PDE1A: variants seen among roughly 807,000 people sequenced by gnomAD.
The protein encoded by PDE1A is phosphodiesterase 1A.
Under a neutral mutation model 61.7 loss-of-function variants are expected in PDE1A, and 35 were observed. The observed-to-expected ratio is 0.57, with a 90% CI of 0.43 to 0.75. The LOEUF (loss-of-function observed/expected upper bound fraction) is 0.75. Ranked by LOEUF, PDE1A falls within the 30% of genes least tolerant of loss-of-function variation. The pLI, the probability that PDE1A is intolerant of heterozygous loss-of-function variation, is 0.00. For synonymous variants in PDE1A, 232 were observed against 213.2 expected (o/e 1.09, Z -0.77); for missense variants, 597 against 630.6 (o/e 0.95, Z 0.57).
chr2:182,484,898 C>T (rs1194329318), intron 2 of PDE1A, among the ~76,000 whole-genome samples: 1 of 151,826 alleles, frequency 6.6e-6, no homozygotes, highest in Non-Finnish European at 1.5e-5. Flanking sequence ...GAAAAGAGAA[C>T]GTTTATACAC....
chr2:182,572,703 T>C, the PDE1A span, among the ~76,000 whole-genome samples: 1 of 151,972 alleles, frequency 6.6e-6, no homozygotes, highest in East Asian at 1.9e-4. Flanking sequence ...ACCCCGTCTC[T>C]ACTAAAAATA....
At chr2:182,415,809 T>C (rs568157110) in intron 1 of PDE1A, among the ~76,000 whole-genome samples, 2 of 152,140 alleles carry the variant, frequency 1.3e-5, no homozygotes, top group Non-Finnish European at 2.9e-5. Flanking sequence ...AAAAGGAAAC[T>C]TGCATGGAAA....
chr2:182,265,459 C>A (rs903398305), intron 1 of PDE1A, among the ~76,000 whole-genome samples: 2 of 151,998 alleles, frequency 1.3e-5, no homozygotes, highest in Admixed American at 6.6e-5. Context: ...TTACTGCACT[C>A]ATTTTTCACC....
At chr2:182,549,209 GA>G in the PDE1A span, among the ~76,000 whole-genome samples, 5 of 150,864 alleles carry the variant, frequency 3.3e-5, no homozygotes, top group Admixed American at 1.3e-4. Context: ...AAAAAATCTT[GA>G]AAAAAAATAA....
the PDE1A span, among the ~76,000 whole-genome samples, chr2:182,660,972 A>G: frequency 2.6e-5 from 4 of 152,358 alleles, no homozygotes; most frequent in African/African-American, 9.6e-5. Context: ...AAACTAAGAC[A>G]GTAGCAGAAC....
chr2:182,471,553 T>A (rs1447675781), intron 2 of PDE1A, among the ~76,000 whole-genome samples: 1 of 151,786 alleles, frequency 6.6e-6, no homozygotes, highest in Non-Finnish European at 1.5e-5. Context: ...ACCAACCCAA[T>A]TCCTTTTACC....
rs1345266293 is a variant in PDE1A, at chr2:182,383,601, AGC to A, written c.53+42975_53+42976del. Among the ~76,000 whole-genome samples, 5 of 152,232 alleles carry A rather than the reference AGC, an allele frequency of 3.3e-5. No individual in the cohort carries two copies. In the East Asian group the frequency reaches 9.6e-4, roughly 29 times the overall value. On this transcript the variant is annotated intron_variant, in intron 1 of 13. Coordinates refer to ENST00000351439, the Ensembl canonical transcript of PDE1A. ...ATGCCGACTGGAGAGAGGTAGGCAGAGCAAGATGGCAGAGTATGGCCCTCCAG... is the reference window on the plus strand; with the variant it reads ...ATGCCGACTGGAGAGAGGTAGGCAGAAAGATGGCAGAGTATGGCCCTCCAG...
chr2:182,201,284 A>ATAGAC (rs757449414), intron 10 of PDE1A, among the ~76,000 whole-genome samples, 155 bp downstream of exon 10: 2 of 152,160 alleles, frequency 1.3e-5, no homozygotes, highest in African/African-American at 4.8e-5. Flanking sequence ...CACCTTTCTG[A>ATAGAC]TAGACTAATA....
At chr2:182,645,243 C>T in the PDE1A span, among the ~76,000 whole-genome samples, 4 of 149,684 alleles carry the variant, frequency 2.7e-5, no homozygotes, top group Non-Finnish European at 5.9e-5. Context: ...GCCTCGGCCT[C>T]CCAAAGTGCT....
chr2:182,620,167 T>A, the PDE1A span, among the ~76,000 whole-genome samples: 5 of 143,274 alleles, frequency 3.5e-5, no homozygotes, highest in Non-Finnish European at 7.7e-5. Context: ...TTATTAACTT[T>A]AAAATGTATT....
chr2:182,670,613 G>T, the PDE1A span, among the ~76,000 whole-genome samples: 770 of 152,264 alleles, frequency 5.1e-3, 7 homozygotes, highest in Non-Finnish European at 8.7e-3. Flanking sequence ...TCTAGTGATG[G>T]GTGCCGAAGC....
exon 6 of PDE1A, chr2:182,230,112 G>A: frequency 6.2e-7 from 1 of 1,612,782 alleles, no homozygotes; most frequent in Non-Finnish European, 8.5e-7. Flanking sequence ...AACTTCTAAA[G>A]CTTCTGCAAA....
At position 182,178,804 on chromosome 2, in the gene PDE1A, G is replaced by C. The variant is rs546073078; in HGVS notation, c.1516+7088C>G. Reference sequence around the variant, plus strand: ...AAGTACAATGAGAAGGAGAAGAAAAGAGAGCAAGCAAGCTGTGGCAAGCAA... The same window carrying C: ...AAGTACAATGAGAAGGAGAAGAAAACAGAGCAAGCAAGCTGTGGCAAGCAA... On this transcript the variant is annotated intron_variant, in intron 13 of 13. Transcript: ENST00000351439. 3.4e-3 allele frequency among the ~76,000 whole-genome samples: 522 copies of C among 152,184 alleles called. 3 individuals are homozygous for C. Among genetic ancestry groups the C allele is most frequent in the African/African-American group, 0.012 (508 of 41,544 alleles).
chr2:182,598,937 TTACTCATG>T, the PDE1A span, among the ~76,000 whole-genome samples: 48 of 152,134 alleles, frequency 3.2e-4, no homozygotes, highest in African/African-American at 1.1e-3. Context: ...CTGCAGGGAA[TTACTCATG>T]GGATGGAGGC....
chr2:182,201,393 C>CA (rs770493656), intron 10 of PDE1A, 46 bp downstream of exon 10: 1 of 1,606,944 alleles, frequency 6.2e-7, no homozygotes, highest in Non-Finnish European at 8.5e-7. Flanking sequence ...CTAATATGCA[C>CA]AGTCACTATT....
chr2:182,572,663 G>A, the PDE1A span, among the ~76,000 whole-genome samples: 1 of 152,042 alleles, frequency 6.6e-6, no homozygotes, highest in East Asian at 1.9e-4. Context: ...GAGGTCAGGA[G>A]ATCGAGACCA....
At chr2:182,485,220 C>A (rs920714949) in intron 2 of PDE1A, among the ~76,000 whole-genome samples, 4 of 151,950 alleles carry the variant, frequency 2.6e-5, no homozygotes, top group Admixed American at 1.3e-4. Flanking sequence ...TGCAGGAACA[C>A]GGATGCAGCT....
chr2:182,435,053 G>A (rs1704141850), intron 2 of PDE1A, among the ~76,000 whole-genome samples: 1 of 151,896 alleles, frequency 6.6e-6, no homozygotes, highest in South Asian at 2.1e-4. Context: ...GTTAAAGTTT[G>A]ATTGGCTCCA....
downstream of PDE1A, among the ~76,000 whole-genome samples, chr2:182,143,487 T>A (rs189070084): frequency 2.8e-4 from 42 of 152,158 alleles, no homozygotes; most frequent in East Asian, 1.5e-3. Context: ...TTTCTTTTTT[T>A]AAAAAATTTT....
Sources: allele counts gnomAD v4.1 joint callset (sites outside exome capture counted in the v4.1 genomes callset), GRCh38; gene constraint gnomAD v4.1.1; transcripts MANE v1.5; gene names NCBI Gene and HGNC (gene_info 2026-07-23, HGNC 2026-07-21).